Variants in TMEM132B observed in about 807,000 individuals in gnomAD.
TMEM132B encodes the protein transmembrane protein 132B.
In TMEM132B, 18 loss-of-function variants were observed where a neutral mutation model predicts 90.8. The observed-to-expected ratio is 0.20, with a 90% CI of 0.14 to 0.29. The LOEUF (loss-of-function observed/expected upper bound fraction) is 0.29, where lower values mean the gene tolerates loss of function less well. Ranked by LOEUF, TMEM132B falls within the 10% of genes least tolerant of loss-of-function variation. TMEM132B has a pLI of 1.00. For synonymous variants in TMEM132B, 504 were observed against 523.3 expected (o/e 0.96, Z 0.50); for missense variants, 1,096 against 1,326.8 (o/e 0.83, Z 2.70).
intron 1 of TMEM132B, among the ~76,000 whole-genome samples, chr12:125,293,720 C>T (rs1411375073): frequency 6.6e-6 from 1 of 152,146 alleles, no homozygotes; most frequent in Non-Finnish European, 1.5e-5. Flanking sequence ...TAGGTTGATC[C>T]CATGTATTTG....
At chr12:125,334,393 A>G (rs1221801283) in intron 1 of TMEM132B, among the ~76,000 whole-genome samples, 1 of 105,468 alleles carries the variant, frequency 9.5e-6, no homozygotes, top group Admixed American at 1.0e-4. Flanking sequence ...TGGGCGAGGA[A>G]GGGGAGAGGA....
At chr12:125,626,125 A>G (rs1886225270) in intron 5 of TMEM132B, among the ~76,000 whole-genome samples, 1 of 152,192 alleles carries the variant, frequency 6.6e-6, no homozygotes, top group East Asian at 1.9e-4. Flanking sequence ...AATGAATTTT[A>G]TTCTTCCTTA....
intron 1 of TMEM132B, among the ~76,000 whole-genome samples, chr12:125,219,476 G>C (rs1307764762): frequency 3.3e-5 from 5 of 152,188 alleles, no homozygotes; most frequent in Non-Finnish European, 5.9e-5. Flanking sequence ...TGGGGGAACT[G>C]TCCTTCCCCT....
chr12:125,528,745 T>C (rs1883562180), intron 4 of TMEM132B, among the ~76,000 whole-genome samples: 1 of 152,208 alleles, frequency 6.6e-6, no homozygotes, highest in South Asian at 2.1e-4. Context: ...TAGACTACTG[T>C]TGACTAGAAG....
At chr12:125,519,714 C>A in intron 4 of TMEM132B, 89 bp downstream of exon 4, 1 of 1,315,694 alleles carries the variant, frequency 7.6e-7, no homozygotes, top group Non-Finnish European at 1.1e-6. Flanking sequence ...TTCCACATAC[C>A]TGATACACTG....
intron 4 of TMEM132B, among the ~76,000 whole-genome samples, chr12:125,547,405 C>T (rs1884118587): frequency 6.6e-6 from 1 of 152,086 alleles, no homozygotes; most frequent in Admixed American, 6.6e-5. Context: ...TGTTAAATGT[C>T]TTTTCATGTG....
chr12:125,455,458 C>T (rs944629824), intron 3 of TMEM132B, among the ~76,000 whole-genome samples: 6 of 151,886 alleles, frequency 4.0e-5, no homozygotes, highest in Admixed American at 2.0e-4. Context: ...CTAAAGAGCT[C>T]GAGAGAAATT....
chr12:125,463,471 A>G lies in TMEM132B; in HGVS notation c.1106+47794A>G, dbSNP rs143361694. On this transcript the variant is annotated intron_variant, in intron 3 of 8. Coordinates refer to ENST00000682704, the MANE Select transcript of TMEM132B (RefSeq NM_001366854.1). ...GTAACTATTCACATTTTTCATTTATAAAATCAATTTTATTTCTATTGCATT... is the reference window on the plus strand; with the variant it reads ...GTAACTATTCACATTTTTCATTTATGAAATCAATTTTATTTCTATTGCATT... 3.9e-4 allele frequency among the ~76,000 whole-genome samples: 59 copies of G among 152,336 alleles called. 1 individual carries two copies. The East Asian group carries it at 0.011, about 29-fold the overall frequency.
chr12:125,631,256 C>T (rs1465347301), intron 5 of TMEM132B, among the ~76,000 whole-genome samples: 5 of 151,982 alleles, frequency 3.3e-5, no homozygotes, highest in African/African-American at 1.2e-4. Flanking sequence ...AATGGTCATT[C>T]AGGAGCATGT....
intron 1 of TMEM132B, among the ~76,000 whole-genome samples, chr12:125,270,005 G>T (rs1383824680): frequency 6.6e-6 from 1 of 151,700 alleles, no homozygotes; most frequent in Non-Finnish European, 1.5e-5. Flanking sequence ...CTCTAGTCTG[G>T]GCAGTAGAAC....
At chr12:125,496,980 G>A (rs1399611056) in intron 3 of TMEM132B, among the ~76,000 whole-genome samples, 3 of 152,224 alleles carry the variant, frequency 2.0e-5, no homozygotes, top group African/African-American at 7.2e-5. Context: ...CATTTAGGCA[G>A]TCTTGTAGGT....
At position 125,559,040 on chromosome 12, in the gene TMEM132B, T is replaced by C. The variant is rs191652909; in HGVS notation, c.1294-24811T>C. Among the ~76,000 whole-genome samples the C allele has an allele frequency of 1.3e-3, 201 of 152,334 alleles. 1 individual carries two copies. The highest frequency in any genetic ancestry group is 6.8e-3 in the Middle Eastern group (2 of 294). On this transcript the variant is annotated intron_variant, in intron 4 of 8. Coordinates refer to ENST00000682704, the MANE Select transcript of TMEM132B (RefSeq NM_001366854.1). ...AAATAAAATTAATCCTGTTTTTAGA[T>C]GATAAAGTTGAGTCTTTGAGAAAAT...
chr12:125,423,890 C>T (rs1880238919), intron 3 of TMEM132B, among the ~76,000 whole-genome samples: 1 of 152,104 alleles, frequency 6.6e-6, no homozygotes, highest in South Asian at 2.1e-4. Context: ...ATTTTCATGT[C>T]ATTGAATATT....
intron 1 of TMEM132B, among the ~76,000 whole-genome samples, chr12:125,295,537 A>AGAGAGAGG (rs1416343099): frequency 1.3e-5 from 2 of 151,888 alleles, no homozygotes; most frequent in Non-Finnish European, 2.9e-5. Flanking sequence ...AGAGAGAGAG[A>AGAGAGAGG]GAGAGACAGA....
chr12:125,215,410 A>G (rs1873411142), intron 1 of TMEM132B, among the ~76,000 whole-genome samples: 1 of 152,118 alleles, frequency 6.6e-6, no homozygotes, highest in African/African-American at 2.4e-5. Flanking sequence ...ACTACCTTCT[A>G]GTGGGTACCT....
chr12:125,267,223 C>T (rs1293237582), intron 1 of TMEM132B, among the ~76,000 whole-genome samples: 1 of 152,136 alleles, frequency 6.6e-6, no homozygotes, highest in Non-Finnish European at 1.5e-5. Flanking sequence ...TCTCTTTGCT[C>T]TGTTACTCCC....
intron 6 of TMEM132B, among the ~76,000 whole-genome samples, chr12:125,650,476 G>C (rs1172244327): frequency 6.6e-6 from 1 of 152,152 alleles, no homozygotes; most frequent in East Asian, 1.9e-4. Flanking sequence ...TGCCATTCTT[G>C]TTGCAAGCAG....
intron 4 of TMEM132B, among the ~76,000 whole-genome samples, chr12:125,583,345 A>C (rs76226528): frequency 0.019 from 2,842 of 152,268 alleles, 32 homozygotes; most frequent in Non-Finnish European, 0.03. Context: ...GGGGTGTGGC[A>C]GTCAGCTTGG....
rs78124826 is a variant in TMEM132B, at chr12:125,378,745, T to G, written c.959+28402T>G. On this transcript the variant is annotated intron_variant, in intron 2 of 8. Transcript: ENST00000682704. The stretch of plus-strand genomic sequence containing the variant: ...GTCTTTGGAGGTGAATGTATTTAAG[T>G]GGACATTTCTGTCCCCACTCCTGCA... Among the ~76,000 whole-genome samples, 284 of 152,286 alleles carry G rather than the reference T, an allele frequency of 1.9e-3. 10 individuals carry two copies. In the East Asian group the frequency reaches 0.049, roughly 26 times the overall value.
Sources: gnomAD v4.1 joint callset for allele counts (sites outside exome capture counted in the v4.1 genomes callset) on GRCh38, gnomAD v4.1.1 for gene constraint, MANE v1.5 for transcripts, NCBI Gene and HGNC (gene_info 2026-07-23, HGNC 2026-07-21) for gene names.